SMG1: variants seen among roughly 807,000 people sequenced by gnomAD.
SMG1 encodes SMG1 nonsense mediated mRNA decay associated PI3K related kinase.
Under a neutral mutation model 419.9 loss-of-function variants are expected in SMG1, and 22 were observed. The ratio of observed to expected loss-of-function variants is 0.05; its 90% CI spans 0.04 to 0.07. The LOEUF (loss-of-function observed/expected upper bound fraction) is 0.07. Among genes scored for constraint, SMG1 ranks in the 10% least tolerant of loss-of-function variants. SMG1 has a pLI of 1.00. For missense variants in SMG1, 3,185 were observed against 4,342.0 expected (o/e 0.73, Z 7.49); for synonymous variants, 1,538 against 1,553.5 (o/e 0.99, Z 0.23).
Position 18,854,883 on chromosome 16 carries a change from C to T in SMG1, c.4256G>A (p.Ser1419Asn). The change falls in exon 30 of 63, where the codon AGC becomes AAC. Residue 1419 changes from serine (S) to asparagine (N), a missense_variant. Physicochemically the swap from Ser to Asn is conservative, Grantham distance 46. This residue lies in a region of SMG1 where 493 missense variants were observed against 552.9 expected (regional missense o/e 0.89). Transcript: ENST00000446231. ...KIKEQTVPIR[S>N]HLMELGLTAA... is the part of the protein sequence containing the mutation. ...TGTTAGACCTAATTCCATGAGATGGCTTCTAATTGGGACTGTTTGTTCTGA... is the reference window on the plus strand; with the variant it reads ...TGTTAGACCTAATTCCATGAGATGGTTTCTAATTGGGACTGTTTGTTCTGA... 1 of 1,613,898 alleles carries T rather than the reference C, an allele frequency of 6.2e-7. No homozygotes were observed. The highest frequency in any genetic ancestry group is 1.1e-5 in the South Asian group (1 of 91,070).
intron 1 of SMG1, among the ~76,000 whole-genome samples, chr16:18,897,926 T>C (rs747911550): frequency 2.3e-4 from 35 of 152,060 alleles, no homozygotes; most frequent in Non-Finnish European, 4.0e-4. Context: ...AAATCACTTC[T>C]ATGATATTTA....
At chr16:18,876,042 A>C in intron 13 of SMG1, 82 bp downstream of exon 13, 2 of 1,445,710 alleles carry the variant, frequency 1.4e-6, no homozygotes, top group Non-Finnish European at 1.9e-6. Context: ...AGACATCTTG[A>C]CATGACAGTG....
intron 13 of SMG1, chr16:18,875,722 T>C (rs1190104813): frequency 1.7e-5 from 4 of 234,654 alleles, no homozygotes; most frequent in African/African-American, 9.3e-5. Flanking sequence ...TAAGACCATG[T>C]ATAAGAACTA....
intron 10 of SMG1, 114 bp downstream of exon 10, chr16:18,882,039 TATACATACATAC>T (rs138410515): frequency 1.8e-6 from 1 of 568,888 alleles, no homozygotes; most frequent in African/African-American, 1.9e-5. Flanking sequence ...TATATACATA[TATACATACATAC>T]ATACATGCTA....
At chr16:18,908,891 A>G (rs2037685544) in intron 1 of SMG1, among the ~76,000 whole-genome samples, 1 of 152,132 alleles carries the variant, frequency 6.6e-6, no homozygotes, top group Admixed American at 6.6e-5. Context: ...AAAAAAAAAA[A>G]AAGAAATGTA....
intron 62 of SMG1, among the ~76,000 whole-genome samples, chr16:18,811,105 T>C (rs2031352014): frequency 6.6e-6 from 1 of 152,328 alleles, no homozygotes; most frequent in East Asian, 1.9e-4. Flanking sequence ...GTATCCCTTA[T>C]CCAAAATGCT....
intron 4 of SMG1, among the ~76,000 whole-genome samples, chr16:18,891,808 G>A (rs558849980): frequency 6.6e-6 from 1 of 152,314 alleles, no homozygotes; most frequent in African/African-American, 2.4e-5. Context: ...TTACATTTCT[G>A]TTGTTGTTTT....
At chr16:18,840,613 T>G (rs2033860925) in intron 41 of SMG1, among the ~76,000 whole-genome samples, 1 of 152,210 alleles carries the variant, frequency 6.6e-6, no homozygotes, top group South Asian at 2.1e-4. Context: ...GGCTAAAATA[T>G]ATTCTAAATT....
chr16:18,892,096 A>T, intron 4 of SMG1, 122 bp downstream of exon 4: 2 of 739,450 alleles, frequency 2.7e-6, no homozygotes, highest in Admixed American at 4.5e-5. Flanking sequence ...CATATTAGAG[A>T]GCATTAAGTT....
intron 25 of SMG1, among the ~76,000 whole-genome samples, chr16:18,863,416 A>G (rs1224069008): frequency 2.6e-5 from 4 of 152,256 alleles, no homozygotes. Context: ...GTTTTAGAAC[A>G]ACAGGTTCTG....
intron 1 of SMG1, among the ~76,000 whole-genome samples, chr16:18,902,573 G>A (rs944726899): frequency 1.3e-5 from 2 of 151,952 alleles, no homozygotes; most frequent in Admixed American, 6.6e-5. Flanking sequence ...GGTGGTATGC[G>A]CCCATAGATC....
chr16:18,876,391 A>C lies in SMG1; in HGVS notation c.1623T>G (p.Val541=). ...GATAAACAGCATGGGCTACAGCAACAACCTGAAAAACAAAAAATTCAAGGA... is the reference window on the plus strand; with the variant it reads ...GATAAACAGCATGGGCTACAGCAACCACCTGAAAAACAAAAAATTCAAGGA... The part of the protein sequence containing the change: ...LFLRYHKEKE[V]VAVAHAVYQA... Residue 541 remains valine (V), a splice_region_variant and synonymous_variant, in exon 13 of 63, where the codon GTT becomes GTG. Transcript: ENST00000446231. The C allele has an allele frequency of 6.2e-7, 1 of 1,600,152 alleles. No homozygotes were observed. The highest frequency in any genetic ancestry group is 2.2e-5 in the East Asian group (1 of 44,688).
intron 18 of SMG1, among the ~76,000 whole-genome samples, 194 bp downstream of exon 18, chr16:18,870,416 C>T (rs1379646230): frequency 6.6e-6 from 1 of 152,164 alleles, no homozygotes; most frequent in Admixed American, 6.5e-5. Context: ...GCCTATAAAG[C>T]TCATTAAAAA....
chr16:18,892,779 C>A (rs1291318101), intron 3 of SMG1, among the ~76,000 whole-genome samples: 1 of 152,172 alleles, frequency 6.6e-6, no homozygotes, highest in East Asian at 1.9e-4. Flanking sequence ...TCAATAAAAG[C>A]TCAGGGAATA....
intron 39 of SMG1, among the ~76,000 whole-genome samples, chr16:18,842,950 G>A (rs1423649443): frequency 3.3e-5 from 5 of 152,224 alleles, no homozygotes; most frequent in Non-Finnish European, 5.9e-5. Flanking sequence ...TGGCCGATGT[G>A]CATTACAGGA....
intron 50 of SMG1, 129 bp downstream of exon 50, chr16:18,834,075 T>G: frequency 1.4e-6 from 1 of 694,144 alleles, no homozygotes; most frequent in Non-Finnish European, 2.4e-6. Context: ...CTCACAATTA[T>G]CTTCCTTTTA....
intron 29 of SMG1, chr16:18,857,456 G>A (rs1460641968): frequency 6.6e-6 from 1 of 152,070 alleles, no homozygotes; most frequent in African/African-American, 2.4e-5. Context: ...ATTAAAAATG[G>A]GTGAAGAATT....
Position 18,805,491 on chromosome 16 carries a change from T to G in SMG1, c.*4078A>C, listed in dbSNP as rs952184480. On this transcript the variant is annotated 3_prime_UTR_variant, in exon 63 of 63. Transcript: ENST00000446231. ...TTTACAGCCCTTGAACTTATAAAGC[T>G]TTTCTCATTAAGAGTCAGTTTTACC... 1 of 152,190 alleles carries G rather than the reference T, an allele frequency of 6.6e-6. No homozygotes were observed. The highest frequency in any genetic ancestry group is 6.5e-5 in the Admixed American group (1 of 15,278). 9.4% of individuals were successfully genotyped at this position (152,190 alleles called of 1,614,324 possible).
intron 55 of SMG1, 149 bp downstream of exon 55, chr16:18,827,882 T>C (rs1320012707): frequency 7.8e-6 from 3 of 382,340 alleles, no homozygotes; most frequent in Non-Finnish European, 1.3e-5. Context: ...ATGTATAAAT[T>C]AAAAGCAAAA....
Sources: gnomAD v4.1 joint callset for allele counts (sites outside exome capture counted in the v4.1 genomes callset) on GRCh38, gnomAD v4.1.1 for gene constraint, gnomAD v4.1.1 regional missense constraint, MANE v1.5 for transcripts, NCBI Gene and HGNC (gene_info 2026-07-23, HGNC 2026-07-21) for gene names.